The following SNAP25 variants were observed in gnomAD, a reference collection of about 807,000 sequenced individuals.
SNAP25 encodes synaptosome associated protein 25.
Under a neutral mutation model 28.7 loss-of-function variants are expected in SNAP25, and 3 were observed. That is an observed-to-expected ratio of 0.10 (90% CI 0.05 to 0.27). The LOEUF (loss-of-function observed/expected upper bound fraction) is 0.27. Among genes scored for constraint, SNAP25 ranks in the 10% least tolerant of loss-of-function variants. The pLI, the probability that SNAP25 is intolerant of heterozygous loss-of-function variation, is 1.00. For missense variants in SNAP25, 117 were observed against 278.7 expected, an observed-to-expected ratio of 0.42 and a Z score of 4.13; for synonymous variants, 61 against 88.1, an observed-to-expected ratio of 0.69 and a Z score of 1.72.
At chr20:10,258,348 A>G (rs2063356365) in intron 1 of SNAP25, among the ~76,000 whole-genome samples, 1 of 152,186 alleles carries the variant, frequency 6.6e-6, no homozygotes, top group African/African-American at 2.4e-5. Context: ...ATAAATCTTC[A>G]TCACATACTC....
intron 3 of SNAP25, among the ~76,000 whole-genome samples, chr20:10,280,636 G>C (rs993919288): frequency 6.6e-6 from 1 of 152,154 alleles, no homozygotes; most frequent in African/African-American, 2.4e-5. Flanking sequence ...CTCTGCTAAT[G>C]CTAAATTCAG....
intron 5 of SNAP25, 109 bp from the exon 6 acceptor site, chr20:10,296,816 G>A (rs1325077850): frequency 1.0e-5 from 16 of 1,534,480 alleles, no homozygotes; most frequent in African/African-American, 6.8e-5. Context: ...CTAATGCCTC[G>A]ACTTAAAACT....
chr20:10,271,380 C>T (rs887072339), intron 1 of SNAP25, among the ~76,000 whole-genome samples: 3 of 152,184 alleles, frequency 2.0e-5, no homozygotes, highest in African/African-American at 4.8e-5. Context: ...ACTCTCCAGC[C>T]GTTCTTATTA....
intron 1 of SNAP25, among the ~76,000 whole-genome samples, chr20:10,252,015 T>C (rs1600687897): frequency 6.6e-6 from 1 of 152,188 alleles, no homozygotes; most frequent in Admixed American, 6.5e-5. Flanking sequence ...CTTTCTTATA[T>C]GGCTGCCACG....
At chr20:10,244,626 A>G (rs949956579) in intron 1 of SNAP25, among the ~76,000 whole-genome samples, 1 of 152,228 alleles carries the variant, frequency 6.6e-6, no homozygotes, top group African/African-American at 2.4e-5. Flanking sequence ...AACAAGAAGT[A>G]TAAACTGTGT....
chr20:10,252,585 T>C (rs2063250135), intron 1 of SNAP25, among the ~76,000 whole-genome samples: 2 of 152,186 alleles, frequency 1.3e-5, no homozygotes, highest in Non-Finnish European at 1.5e-5. Flanking sequence ...TATGTTAAAA[T>C]TTAACAGATT....
chr20:10,271,528 C>G (rs1181033422), intron 1 of SNAP25, among the ~76,000 whole-genome samples: 4 of 152,182 alleles, frequency 2.6e-5, no homozygotes, highest in Admixed American at 6.5e-5. Flanking sequence ...CTGGGGGAAC[C>G]GTGAAAGTGA....
chr20:10,257,087 T>C (rs2063330335), intron 1 of SNAP25, among the ~76,000 whole-genome samples: 1 of 152,190 alleles, frequency 6.6e-6, no homozygotes, highest in East Asian at 1.9e-4. Context: ...CTGGGATTCA[T>C]TCTCAGATTC....
chr20:10,268,711 G>C (rs958769461), intron 1 of SNAP25, among the ~76,000 whole-genome samples: 7 of 152,168 alleles, frequency 4.6e-5, no homozygotes, highest in Admixed American at 4.6e-4. Flanking sequence ...GTTTTCTGTG[G>C]AGTCCATTTG....
intron 3 of SNAP25, among the ~76,000 whole-genome samples, chr20:10,282,640 A>G (rs1260335201): frequency 1.3e-5 from 2 of 152,210 alleles, no homozygotes; most frequent in South Asian, 2.1e-4. Context: ...AACTAAAATC[A>G]CTAACCTTTT....
chr20:10,223,903 A>G (rs975691497), intron 1 of SNAP25, among the ~76,000 whole-genome samples: 32 of 152,216 alleles, frequency 2.1e-4, no homozygotes, highest in African/African-American at 7.5e-4. Flanking sequence ...ATATAGTATT[A>G]GATCACATTT....
intron 7 of SNAP25, 91 bp from the exon 8 acceptor site, chr20:10,306,038 C>T (rs1440179428): frequency 3.3e-6 from 4 of 1,210,074 alleles, no homozygotes; most frequent in South Asian, 2.6e-5. Context: ...TAAGTGGTTT[C>T]ACCCAAGAGG....
intron 1 of SNAP25, among the ~76,000 whole-genome samples, chr20:10,234,578 G>C (rs2062884552): frequency 6.6e-6 from 1 of 152,158 alleles, no homozygotes; most frequent in Non-Finnish European, 1.5e-5. Context: ...ATTTGAGATT[G>C]CTTCCATTGC....
chr20:10,224,328 G>A lies in SNAP25; in HGVS notation c.-64+5351G>A, dbSNP rs962095180. On this transcript the variant is annotated intron_variant, in intron 1 of 7. Coordinates refer to ENST00000254976, the MANE Select transcript of SNAP25 (RefSeq NM_130811.4). ...CCTCCTCACTTGGGTAGCAAGGCCT[G>A]AAGGTAAGGATGCTGGTCAGAGCCA... 5.7e-5 allele frequency among the ~76,000 whole-genome samples: 7 copies of A among 123,334 alleles called. No homozygotes were observed. In the South Asian group the frequency reaches 1.4e-3, roughly 24 times the overall value. The allele number at this position is 123,334 out of a possible 152,430, so 80.9% of individuals were successfully genotyped here. A position where few individuals can be genotyped will look rare whatever the true frequency, so the allele number is the denominator to read the frequency against.
At chr20:10,284,148 T>C (rs904810133) in intron 3 of SNAP25, among the ~76,000 whole-genome samples, 16 of 152,240 alleles carry the variant, frequency 1.1e-4, no homozygotes, top group South Asian at 4.2e-4. Context: ...TCCATAGAGA[T>C]AGAAAAATGG....
At chr20:10,229,978 A>T (rs1393410769) in intron 1 of SNAP25, among the ~76,000 whole-genome samples, 1 of 152,154 alleles carries the variant, frequency 6.6e-6, no homozygotes, top group Non-Finnish European at 1.5e-5. Flanking sequence ...GTTCTACTCC[A>T]AGATTAGACA....
chr20:10,296,891 C>T (rs1555794770), intron 5 of SNAP25, 34 bp from the exon 6 acceptor site: 5 of 1,613,314 alleles, frequency 3.1e-6, no homozygotes, highest in Middle Eastern at 1.7e-4. Flanking sequence ...TCCTCCACCC[C>T]TGTGCCTTGT....
Position 10,224,263 on chromosome 20 carries a change from T to TTTTTTTTTTTTTTTTTTG in SNAP25, c.-64+5303_-64+5304insGTTTTTTTTTTTTTTTTT, listed in dbSNP as rs2062691768. Among the ~76,000 whole-genome samples the TTTTTTTTTTTTTTTTTTG allele has an allele frequency of 1.8e-5, 2 of 111,374 alleles. 1 individual carries two copies. Among genetic ancestry groups the TTTTTTTTTTTTTTTTTTG allele is most frequent in the Admixed American group, 1.8e-4 (2 of 11,180 alleles). The allele number at this position is 111,374 out of a possible 152,430, so 73.1% of individuals were successfully genotyped here. On this transcript the variant is annotated intron_variant, in intron 1 of 7. Coordinates refer to ENST00000254976, the MANE Select transcript of SNAP25 (RefSeq NM_130811.4). ...GCATAGAGAATGTACATGTCTTTTT[T>TTTTTTTTTTTTTTTTTTG]TTTTTTTTTTTTTTTTTTTTTTTTT...
At chr20:10,303,670 C>T (rs940688228) in intron 7 of SNAP25, among the ~76,000 whole-genome samples, 1 of 152,150 alleles carries the variant, frequency 6.6e-6, no homozygotes, top group Non-Finnish European at 1.5e-5. Flanking sequence ...GGATAGACAG[C>T]ATTACCAGTC....
Sources: gnomAD v4.1 joint callset for allele counts (sites outside exome capture counted in the v4.1 genomes callset) on GRCh38, gnomAD v4.1.1 for gene constraint, MANE v1.5 for transcripts, NCBI Gene and HGNC (gene_info 2026-07-23, HGNC 2026-07-21) for gene names.